COL19A1: variants seen among roughly 807,000 people sequenced by gnomAD.
The protein encoded by COL19A1 is collagen type XIX alpha 1 chain.
In COL19A1, 159 loss-of-function variants were observed where a neutral mutation model predicts 190.2. The ratio of observed to expected loss-of-function variants is 0.84; its 90% CI spans 0.73 to 0.95. The LOEUF is 0.95. Among genes scored for constraint, COL19A1 ranks in the 40% least tolerant of loss-of-function variants. The pLI is 0.00. For missense variants in COL19A1, 1,418 were observed against 1,431.9 expected (o/e 0.99, Z 0.16); for synonymous variants, 509 against 458.9 (o/e 1.11, Z -1.39).
Position 69,910,923 on chromosome 6 carries a change from G to A in COL19A1, c.266+10585G>A, listed in dbSNP as rs60053446. On this transcript the variant is annotated intron_variant, in intron 4 of 50. Transcript: ENST00000620364. ...ATTATCCTTAGGTGGTTGCAAATGC[G>A]TTGATTTATAATGGTTGTAAACCTA... Among the ~76,000 whole-genome samples the A allele has an allele frequency of 8.2e-3, 1,241 of 152,226 alleles. 18 individuals carry two copies. Among genetic ancestry groups the A allele is most frequent in the African/African-American group, 0.026 (1,064 of 41,538 alleles).
chr6:70,051,133 C>G (rs1227712921), intron 14 of COL19A1, among the ~76,000 whole-genome samples: 2 of 152,108 alleles, frequency 1.3e-5, no homozygotes, highest in Non-Finnish European at 2.9e-5. Flanking sequence ...TGTATACCAT[C>G]TAATATCTAT....
intron 15 of COL19A1, among the ~76,000 whole-genome samples, chr6:70,090,219 G>C (rs898279780): frequency 1.3e-5 from 2 of 151,932 alleles, no homozygotes; most frequent in South Asian, 4.1e-4. Flanking sequence ...AAATGGAAAT[G>C]TTATACGGTC....
intron 4 of COL19A1, among the ~76,000 whole-genome samples, chr6:69,921,091 GACATATCATATATTCATAT>G (rs1221492119): frequency 2.3e-3 from 193 of 83,884 alleles, no homozygotes; most frequent in Non-Finnish European, 3.3e-3. Flanking sequence ...TATATTCATA[GACATATCATATATTCATAT>G]ACATATATAT....
chr6:69,912,246 C>T (rs898158359), intron 4 of COL19A1, among the ~76,000 whole-genome samples: 1 of 152,118 alleles, frequency 6.6e-6, no homozygotes, highest in African/African-American at 2.4e-5. Flanking sequence ...ACCACTTTTT[C>T]CATAATTCTT....
chr6:69,986,432 C>T (rs796227153), intron 11 of COL19A1, among the ~76,000 whole-genome samples: 1 of 152,170 alleles, frequency 6.6e-6, no homozygotes, highest in African/African-American at 2.4e-5. Context: ...AAACCACCTA[C>T]ATCACAATCT....
chr6:69,900,162 AG>A (rs1396383349), intron 3 of COL19A1, 76 bp from the exon 4 acceptor site: 109 of 875,974 alleles, frequency 1.2e-4, no homozygotes, highest in Non-Finnish European at 1.8e-4. Context: ...TTAATAGATA[AG>A]GGCAACACAA....
At chr6:70,000,630 CT>C (rs1189882267) in intron 11 of COL19A1, among the ~76,000 whole-genome samples, 1 of 152,134 alleles carries the variant, frequency 6.6e-6, no homozygotes, top group Non-Finnish European at 1.5e-5. Flanking sequence ...TGATGTTGAG[CT>C]TTTTTCGTAT....
intron 11 of COL19A1, among the ~76,000 whole-genome samples, chr6:69,997,774 T>C (rs1777007553): frequency 6.6e-6 from 1 of 152,052 alleles, no homozygotes; most frequent in African/African-American, 2.4e-5. Flanking sequence ...AACATGTATG[T>C]AATGGGAATC....
chr6:70,043,925 C>A (rs1779767415), intron 14 of COL19A1, among the ~76,000 whole-genome samples: 1 of 152,186 alleles, frequency 6.6e-6, no homozygotes, highest in African/African-American at 2.4e-5. Flanking sequence ...TTTTCCTCTC[C>A]AGCTATGAAA....
chr6:70,026,138 G>A (rs1420203994), intron 12 of COL19A1, among the ~76,000 whole-genome samples: 1 of 152,182 alleles, frequency 6.6e-6, no homozygotes, highest in East Asian at 1.9e-4. Flanking sequence ...AATAAAACTA[G>A]AAAGATATTT....
At chr6:70,117,281 G>A (rs1240016726) in intron 16 of COL19A1, among the ~76,000 whole-genome samples, 2 of 152,210 alleles carry the variant, frequency 1.3e-5, no homozygotes, top group African/African-American at 4.8e-5. Flanking sequence ...AAGTGAAAAT[G>A]CAGCTAAGAC....
At chr6:70,145,940 T>C (rs1479402409) in intron 25 of COL19A1, among the ~76,000 whole-genome samples, 1 of 151,978 alleles carries the variant, frequency 6.6e-6, no homozygotes, top group Non-Finnish European at 1.5e-5. Context: ...ATGCTGGTCT[T>C]GAACTCCTGA....
intron 10 of COL19A1, among the ~76,000 whole-genome samples, chr6:69,961,342 A>G (rs1488501321): frequency 6.6e-6 from 1 of 152,236 alleles, no homozygotes; most frequent in Non-Finnish European, 1.5e-5. Context: ...AAGCTTCTGA[A>G]TTTCTTCACA....
At chr6:69,974,847 C>G (rs562928928) in intron 11 of COL19A1, among the ~76,000 whole-genome samples, 2 of 118,740 alleles carry the variant, frequency 1.7e-5, no homozygotes, top group South Asian at 5.8e-4. Context: ...GAGTCTTGCT[C>G]TGTTGCCCAG....
chr6:69,945,894 C>T (rs9454921), intron 9 of COL19A1, among the ~76,000 whole-genome samples: 29,973 of 151,792 alleles, frequency 0.2, 3,459 homozygotes, highest in African/African-American at 0.3. Context: ...TCCACTGTTT[C>T]GAGGATAAAT....
At chr6:70,173,519 C>A (rs1311396623) in intron 41 of COL19A1, among the ~76,000 whole-genome samples, 2 of 152,190 alleles carry the variant, frequency 1.3e-5, no homozygotes. Flanking sequence ...AAGGAGTGAT[C>A]TCCTGTCTCA....
intron 14 of COL19A1, among the ~76,000 whole-genome samples, chr6:70,061,442 C>A (rs1780822997): frequency 6.6e-6 from 1 of 151,874 alleles, no homozygotes; most frequent in Admixed American, 6.6e-5. Flanking sequence ...AGATCAGAGT[C>A]ATGGTAACAT....
chr6:69,941,792 G>A (rs544463278), intron 9 of COL19A1, among the ~76,000 whole-genome samples: 2 of 151,360 alleles, frequency 1.3e-5, no homozygotes, highest in East Asian at 2.0e-4. Flanking sequence ...GGGTTCAAGC[G>A]ATTCTCCTGC....
At chr6:69,873,863 A>T (rs1014601442) in intron 1 of COL19A1, among the ~76,000 whole-genome samples, 2 of 152,178 alleles carry the variant, frequency 1.3e-5, no homozygotes, top group African/African-American at 4.8e-5. Context: ...TGAGAAAAAA[A>T]TTTGAGGGCC....
Sources: allele counts gnomAD v4.1 joint callset (sites outside exome capture counted in the v4.1 genomes callset), GRCh38; gene constraint gnomAD v4.1.1; transcripts MANE v1.5; gene names NCBI Gene and HGNC (gene_info 2026-07-23, HGNC 2026-07-21).